ADCY3: variants seen among roughly 807,000 people sequenced by gnomAD.
The protein encoded by ADCY3 is adenylate cyclase type 3.
A neutral mutation model predicts 119.4 loss-of-function variants in ADCY3; 70 were observed. That is an observed-to-expected ratio of 0.59 (90% CI 0.48 to 0.72). The LOEUF (loss-of-function observed/expected upper bound fraction) is 0.72. ADCY3 is among the 30% of genes least tolerant of loss of function. The pLI, the probability that ADCY3 is intolerant of heterozygous loss-of-function variation, is 0.00. For synonymous variants in ADCY3, 672 were observed against 621.4 expected (o/e 1.08, Z -1.21); for missense variants, 1,238 against 1,541.6 (o/e 0.80, Z 3.30).
chr2:24,909,520 G>A (rs1663317563), intron 2 of ADCY3, among the ~76,000 whole-genome samples: 1 of 152,056 alleles, frequency 6.6e-6, no homozygotes, highest in African/African-American at 2.4e-5. Flanking sequence ...CCCAAATAAG[G>A]CAAGGCAAAG....
intron 13 of ADCY3, among the ~76,000 whole-genome samples, chr2:24,829,566 G>A (rs941056493): frequency 7.3e-5 from 11 of 151,404 alleles, no homozygotes; most frequent in South Asian, 4.2e-4. Flanking sequence ...GACTACAGGC[G>A]CCTGCCACCA....
intron 7 of ADCY3, 140 bp downstream of exon 7, chr2:24,839,733 G>A: frequency 7.1e-6 from 9 of 1,267,884 alleles, no homozygotes; most frequent in Non-Finnish European, 1.0e-5. Flanking sequence ...ACCAGGGCGA[G>A]ACAGGAGGAA....
chr2:24,874,182 C>G (rs536055124), intron 2 of ADCY3, among the ~76,000 whole-genome samples: 2 of 152,310 alleles, frequency 1.3e-5, no homozygotes, highest in East Asian at 3.9e-4. Context: ...CTCTGTGGCA[C>G]TCAACAAGGG....
intron 20 of ADCY3, 129 bp from the exon 21 acceptor site, chr2:24,820,977 G>T (rs1466369865): frequency 1.5e-6 from 2 of 1,359,420 alleles, no homozygotes; most frequent in Non-Finnish European, 1.0e-6. Flanking sequence ...CATTCAACTT[G>T]GCTGTATGCT....
chr2:24,830,946 C>T, intron 12 of ADCY3, 121 bp from the exon 13 acceptor site: 1 of 759,468 alleles, frequency 1.3e-6, no homozygotes, highest in South Asian at 1.7e-5. Context: ...ACGGACTCTG[C>T]CTGGGAGTCA....
At chr2:24,844,848 C>T (rs1191160201) in intron 3 of ADCY3, among the ~76,000 whole-genome samples, 1 of 152,230 alleles carries the variant, frequency 6.6e-6, no homozygotes, top group African/African-American at 2.4e-5. Context: ...CCACCCAAAT[C>T]TCATTTGAAT....
At chr2:24,915,222 A>T (rs1664303424) in intron 2 of ADCY3, among the ~76,000 whole-genome samples, 2 of 152,322 alleles carry the variant, frequency 1.3e-5, no homozygotes, top group South Asian at 4.1e-4. Flanking sequence ...TTCATCCCCC[A>T]CTGACCCTGG....
chr2:24,900,966 G>A (rs1678832309), intron 2 of ADCY3, among the ~76,000 whole-genome samples: 1 of 152,196 alleles, frequency 6.6e-6, no homozygotes, highest in African/African-American at 2.4e-5. Flanking sequence ...TTGAGAGGCT[G>A]AGGCAGGAGA....
At chr2:24,892,306 T>C (rs1677750609) in intron 2 of ADCY3, among the ~76,000 whole-genome samples, 1 of 151,272 alleles carries the variant, frequency 6.6e-6, no homozygotes, top group South Asian at 2.1e-4. Flanking sequence ...TGGAGTGCAG[T>C]GGCGCGATCT....
intron 2 of ADCY3, among the ~76,000 whole-genome samples, chr2:24,888,583 C>G (rs1677332037): frequency 6.6e-6 from 1 of 152,274 alleles, no homozygotes; most frequent in African/African-American, 2.4e-5. Flanking sequence ...TGGAGCCAAA[C>G]TGGCTTGTGT....
chr2:24,838,478 C>T lies in ADCY3; in HGVS notation c.1500G>A (p.Lys500=). Residue 500 remains lysine (K), a synonymous_variant, in exon 8 of 22, where the codon AAG becomes AAA. Transcript: ENST00000679454. ...TGAGGCCATTCTGGGTGGCTGTTTT[C>T]TTCACCTCTGGCTTGGAGGCAATGA... ...YLIIASKPEV[K]KTATQNGLNG... 6.2e-7 allele frequency: 1 copy of T among 1,613,834 alleles called. No individual in the cohort carries two copies. The highest frequency in any genetic ancestry group is 8.5e-7 in the Non-Finnish European group (1 of 1,180,030).
chr2:24,858,841 C>A (rs934536491), intron 3 of ADCY3, among the ~76,000 whole-genome samples: 4 of 152,250 alleles, frequency 2.6e-5, no homozygotes, highest in Non-Finnish European at 5.9e-5. Context: ...CTCAGGTCCA[C>A]CCTGACACAG....
rs1663030948 is a variant in ADCY3, at chr2:24,907,644, C to T, written c.675+10669G>A. Among the ~76,000 whole-genome samples, 4 of 152,142 alleles carry T rather than the reference C, an allele frequency of 2.6e-5. No individual in the cohort carries two copies. In the South Asian group the frequency reaches 8.3e-4, roughly 32 times the overall value. Reference sequence around the variant, plus strand: ...GGAAAGGAGAGAGGGGATGGGCCTGCTGAAACGACAGCAAGTAAATAAAAT... The same window carrying T: ...GGAAAGGAGAGAGGGGATGGGCCTGTTGAAACGACAGCAAGTAAATAAAAT... On this transcript the variant is annotated intron_variant, in intron 2 of 21. Coordinates refer to ENST00000679454, the MANE Select transcript of ADCY3 (RefSeq NM_004036.5).
intron 3 of ADCY3, among the ~76,000 whole-genome samples, chr2:24,866,168 C>A (rs571314756): frequency 6.6e-6 from 1 of 152,294 alleles, no homozygotes; most frequent in East Asian, 1.9e-4. Flanking sequence ...ATGAGAAAAG[C>A]ACCAGCCTTT....
In ADCY3 at chr2:24,822,768, C is replaced by T. The variant is rs191841661; in HGVS notation, c.2884-138G>A. On this transcript the variant is annotated intron_variant, in intron 18 of 21. Coordinates refer to ENST00000679454, the MANE Select transcript of ADCY3 (RefSeq NM_004036.5). ...CTATCAAAGTTGTTACTTAGTCTAC[C>T]GCTTATCTGCCACATGATCCTGGGA... 54 of 1,172,152 alleles carry T rather than the reference C, an allele frequency of 4.6e-5. No homozygotes were observed. The East Asian group carries it at 7.1e-4, about 15-fold the overall frequency. 72.6% of individuals were successfully genotyped at this position (1,172,152 alleles called of 1,614,324 possible).
chr2:24,914,612 T>C (rs1408291659), intron 2 of ADCY3, among the ~76,000 whole-genome samples: 3 of 149,212 alleles, frequency 2.0e-5, no homozygotes, highest in Admixed American at 6.7e-5. Context: ...GAGGAGGAGG[T>C]TGCAGTGAGC....
intron 2 of ADCY3, among the ~76,000 whole-genome samples, chr2:24,897,676 G>A (rs1271580648): frequency 1.3e-5 from 2 of 152,178 alleles, no homozygotes; most frequent in African/African-American, 4.8e-5. Flanking sequence ...ATCAGTTTAT[G>A]GGGAGTGTGT....
chr2:24,918,376 G>T lies in ADCY3; in HGVS notation c.612C>A (p.Val204=). The T allele has an allele frequency of 6.2e-7, 1 of 1,611,644 alleles. No homozygotes were observed. The highest frequency in any genetic ancestry group is 1.1e-5 in the South Asian group (1 of 90,872). ...SVVSCVVHTL[V]LGVTVAQQQQ... is the part of the protein sequence containing the mutation. ...GCTGCTGGGCCACGGTGACCCCCAG[G>T]ACCAACGTGTGCACCACACAGGAGA... Residue 204 remains valine (V), a synonymous_variant, in exon 2 of 22, where the codon GTC becomes GTA. Transcript: ENST00000679454. The surrounding 1 kb of genome is among the most constrained non-coding windows in gnomAD (Gnocchi z 5.4).
At position 24,834,490 on chromosome 2, in the gene ADCY3, GT is replaced by G; in HGVS notation, c.1961del (p.Asp654AlafsTer4). On this transcript the variant is annotated frameshift_variant, in exon 11 of 22. Coordinates refer to ENST00000679454, the MANE Select transcript of ADCY3 (RefSeq NM_004036.5). LOFTEE classifies it high-confidence loss of function. This position sits in a 1 kb window ranked among gnomAD's most constrained non-coding sequence, Gnocchi z 4.2. ...CTCCCCGGCCCCTCCCTCACCAGGG[GT>G]CGATGAGTATCTCGACCAGGGCCGT... is the stretch of plus-strand genomic sequence containing the variant. Reference protein sequence around the residue: ...LCTALVEILIDPWLMTNYVTF... With the variant: ...LCTALVEILIXPWLMTNYVTF... 6.2e-7 allele frequency: 1 copy of G among 1,604,638 alleles called. No individual in the cohort carries two copies. The highest frequency in any genetic ancestry group is 8.5e-7 in the Non-Finnish European group (1 of 1,174,972).
Sources: allele counts gnomAD v4.1 joint callset (sites outside exome capture counted in the v4.1 genomes callset), GRCh38; gene constraint gnomAD v4.1.1; non-coding constraint Gnocchi (gnomAD v3.1); transcripts MANE v1.5; gene names NCBI Gene and HGNC (gene_info 2026-07-23, HGNC 2026-07-21).